The following CHST3 variants were observed in gnomAD, a reference collection of about 807,000 sequenced individuals.
CHST3 encodes C6ST-1.
A neutral mutation model predicts 35.4 loss-of-function variants in CHST3; 20 were observed. The ratio of observed to expected loss-of-function variants is 0.57; its 90% CI spans 0.40 to 0.82. CHST3 has a LOEUF of 0.82. Ranked by LOEUF, CHST3 falls within the 40% of genes least tolerant of loss-of-function variation. The probability of loss-of-function intolerance (pLI) is 0.00; values close to 1 mark genes in which losing one functional copy is unlikely to be tolerated. For synonymous variants in CHST3, 334 were observed against 295.9 expected (o/e 1.13, Z -1.32); for missense variants, 693 against 670.1 (o/e 1.03, Z -0.38).
chr10:72,005,682 C>T, intron 1 of CHST3, 54 bp from the exon 2 acceptor site: 1 of 835,302 alleles, frequency 1.2e-6, no homozygotes, highest in Non-Finnish European at 1.9e-6. Flanking sequence ...GAGAGACATC[C>T]TCTGCATTCC....
At chr10:71,966,759 T>C (rs557201547) in intron 1 of CHST3, among the ~76,000 whole-genome samples, 2 of 152,292 alleles carry the variant, frequency 1.3e-5, no homozygotes, top group African/African-American at 4.8e-5. Flanking sequence ...TATATCCCTA[T>C]GAGGTTAGCA....
In CHST3 at chr10:72,007,670, C is replaced by T. The variant is rs1425895497; in HGVS notation, c.639C>T (p.Asp213=). The change falls in exon 3 of 3, where the codon GAC becomes GAT. Residue 213 remains aspartate (D), a synonymous_variant. Coordinates refer to ENST00000373115, the MANE Select transcript of CHST3 (RefSeq NM_004273.5). ...ACTTCATCACGCCGCTGCCCGAGGACCACCTGACTCAGTTCATGTTCCGCC... is the reference window on the plus strand; with the variant it reads ...ACTTCATCACGCCGCTGCCCGAGGATCACCTGACTCAGTTCATGTTCCGCC... ...LEHFITPLPE[D]HLTQFMFRRG... 1.9e-6 allele frequency: 3 copies of T among 1,609,124 alleles called. No homozygotes were observed. The highest frequency in any genetic ancestry group is 1.7e-5 in the Admixed American group (1 of 59,878).
chr10:71,985,420 C>T (rs1839838989), intron 1 of CHST3, among the ~76,000 whole-genome samples: 1 of 152,208 alleles, frequency 6.6e-6, no homozygotes, highest in South Asian at 2.1e-4. Flanking sequence ...GTAGCATCCT[C>T]ATTTAGCCTT....
intron 1 of CHST3, among the ~76,000 whole-genome samples, chr10:71,970,627 G>A (rs897156830): frequency 8.7e-4 from 132 of 152,250 alleles, no homozygotes; most frequent in Non-Finnish European, 3.4e-4. Context: ...GAAGACGGCC[G>A]GGGGTCCCAG....
chr10:72,013,520 A>G lies in CHST3; in HGVS notation c.*5049A>G, dbSNP rs1840134131. On this transcript the variant is annotated 3_prime_UTR_variant, in exon 3 of 3. Transcript: ENST00000373115. ...AACCCAACTCCTGATGGCCTACTTG[A>G]CTTATTTAATTAAAGATGAAATCAT... 1 of 152,090 alleles carries G rather than the reference A, an allele frequency of 6.6e-6. No homozygotes were observed. The highest frequency in any genetic ancestry group is 2.4e-5 in the African/African-American group (1 of 41,412). The allele number at this position is 152,090 out of a possible 1,614,324, so 9.4% of individuals were successfully genotyped here. A position where few individuals can be genotyped will look rare whatever the true frequency, so the allele number is the denominator to read the frequency against.
chr10:71,967,975 A>ATTTT (rs61420934), intron 1 of CHST3, among the ~76,000 whole-genome samples: 3 of 142,040 alleles, frequency 2.1e-5, no homozygotes, highest in African/African-American at 5.2e-5. Context: ...TGCGTGGCTA[A>ATTTT]TTTTTTTTTT....
At chr10:71,967,331 C>G (rs111637983) in intron 1 of CHST3, among the ~76,000 whole-genome samples, 1,580 of 152,244 alleles carry the variant, frequency 0.01, 24 homozygotes, top group African/African-American at 0.036. Context: ...CCCACTGTCT[C>G]CACCCTCAAG....
Position 72,005,744 on chromosome 10 carries a change from T to G in CHST3, c.-99T>G, listed in dbSNP as rs1488035101. On this transcript the variant is annotated 5_prime_UTR_variant, in exon 2 of 3. Transcript: ENST00000373115. ...CACCTGTCTCTCCGCAGGACAAGGG[T>G]GTCCCCCACCTGAAGACGGCAAGCT... 3 of 1,472,838 alleles carry G rather than the reference T, an allele frequency of 2.0e-6. No individual in the cohort carries two copies. In the East Asian group the frequency reaches 6.8e-5, roughly 33 times the overall value. 91.2% of individuals were successfully genotyped at this position (1,472,838 alleles called of 1,614,324 possible).
intron 1 of CHST3, among the ~76,000 whole-genome samples, chr10:71,974,614 T>C (rs1839727734): frequency 6.6e-6 from 1 of 152,162 alleles, no homozygotes; most frequent in African/African-American, 2.4e-5. Flanking sequence ...GGCTACAGCA[T>C]ACAGCTCACC....
chr10:72,005,414 T>C (rs560241722), intron 1 of CHST3, among the ~76,000 whole-genome samples: 4 of 152,282 alleles, frequency 2.6e-5, no homozygotes, highest in Admixed American at 1.3e-4. Flanking sequence ...TGCTCCACCA[T>C]TTTCATTTAG....
chr10:71,967,338 C>T (rs995739708), intron 1 of CHST3, among the ~76,000 whole-genome samples: 9 of 152,160 alleles, frequency 5.9e-5, no homozygotes, highest in Admixed American at 4.6e-4. Context: ...TCTCCACCCT[C>T]AAGTAGGTCC....
At position 72,009,774 on chromosome 10, in the gene CHST3, G is replaced by A. The variant is rs1840089647; in HGVS notation, c.*1303G>A. On this transcript the variant is annotated 3_prime_UTR_variant, in exon 3 of 3. Coordinates refer to ENST00000373115, the MANE Select transcript of CHST3 (RefSeq NM_004273.5). ...CCTGGGAAGAGTATTGCTTAACGCAGGATGTGCTGGGTGTTTTGTTTCGGG... is the reference window on the plus strand; with the variant it reads ...CCTGGGAAGAGTATTGCTTAACGCAAGATGTGCTGGGTGTTTTGTTTCGGG... 6.6e-6 allele frequency: 1 copy of A among 152,650 alleles called. No individual in the cohort carries two copies. The highest frequency in any genetic ancestry group is 2.4e-5 in the African/African-American group (1 of 41,464). 9.5% of individuals were successfully genotyped at this position (152,650 alleles called of 1,614,324 possible). A position where few individuals can be genotyped will look rare whatever the true frequency, so the allele number is the denominator to read the frequency against.
chr10:72,008,542 G>A lies in CHST3; in HGVS notation c.*71G>A, dbSNP rs955863270. 53 of 1,449,920 alleles carry A rather than the reference G, an allele frequency of 3.7e-5. No individual in the cohort carries two copies. In the East Asian group the frequency reaches 1.3e-3, roughly 35 times the overall value. The allele number at this position is 1,449,920 out of a possible 1,614,324, so 89.8% of individuals were successfully genotyped here. On this transcript the variant is annotated 3_prime_UTR_variant, in exon 3 of 3. Transcript: ENST00000373115. Reference sequence around the variant, plus strand: ...GTCTTTCTGCCGCAGCCCTCGCAGAGGGCGGGTGCACAGCGCCATGAGCGG... The same window carrying A: ...GTCTTTCTGCCGCAGCCCTCGCAGAAGGCGGGTGCACAGCGCCATGAGCGG...
chr10:71,970,630 G>T (rs1371446790), intron 1 of CHST3, among the ~76,000 whole-genome samples: 2 of 152,154 alleles, frequency 1.3e-5, no homozygotes, highest in African/African-American at 4.8e-5. Flanking sequence ...GACGGCCGGG[G>T]GTCCCAGCTC....
chr10:71,965,406 G>A (rs1839620125), intron 1 of CHST3, among the ~76,000 whole-genome samples: 1 of 152,240 alleles, frequency 6.6e-6, no homozygotes. Flanking sequence ...GGCCGTGACA[G>A]TCTTCCAGGG....
At chr10:71,988,490 T>A (rs1260174334) in intron 1 of CHST3, among the ~76,000 whole-genome samples, 2 of 152,152 alleles carry the variant, frequency 1.3e-5, no homozygotes, top group African/African-American at 2.4e-5. Context: ...TTTAAAAGTG[T>A]GTGGCACCTC....
At chr10:72,003,775 C>G (rs1470582059) in intron 1 of CHST3, among the ~76,000 whole-genome samples, 1 of 151,758 alleles carries the variant, frequency 6.6e-6, no homozygotes, top group Non-Finnish European at 1.5e-5. Flanking sequence ...AACTTTGTAG[C>G]CAAGTGCAGT....
At chr10:71,974,678 G>A (rs550217619) in intron 1 of CHST3, among the ~76,000 whole-genome samples, 1 of 152,306 alleles carries the variant, frequency 6.6e-6, no homozygotes, top group South Asian at 2.1e-4. Flanking sequence ...TGACATCACT[G>A]AGTCTCACTG....
In CHST3 at chr10:72,011,292, C is replaced by T. The variant is rs971909460; in HGVS notation, c.*2821C>T. 6.6e-6 allele frequency: 1 copy of T among 152,146 alleles called. No individual in the cohort carries two copies. Among genetic ancestry groups the T allele is most frequent in the African/African-American group, 2.4e-5 (1 of 41,428 alleles). 9.4% of individuals were successfully genotyped at this position (152,146 alleles called of 1,614,324 possible). A position where few individuals can be genotyped will look rare whatever the true frequency, so the allele number is the denominator to read the frequency against. On this transcript the variant is annotated 3_prime_UTR_variant, in exon 3 of 3. Coordinates refer to ENST00000373115, the MANE Select transcript of CHST3 (RefSeq NM_004273.5). ...CATCAGGGCCCTTGCTGCTGTATTACCTCTGCCCGGGTGTTTGAGACAGGT... is the reference window on the plus strand; with the variant it reads ...CATCAGGGCCCTTGCTGCTGTATTATCTCTGCCCGGGTGTTTGAGACAGGT...
Sources: allele counts gnomAD v4.1 joint callset (sites outside exome capture counted in the v4.1 genomes callset), GRCh38; gene constraint gnomAD v4.1.1; transcripts MANE v1.5; gene names NCBI Gene and HGNC (gene_info 2026-07-23, HGNC 2026-07-21).